ERBB4: variants seen among roughly 807,000 people sequenced by gnomAD.
ERBB4 encodes the protein receptor tyrosine-protein kinase erbB-4.
In ERBB4, 42 loss-of-function variants were observed where a neutral mutation model predicts 158.0. The observed-to-expected ratio is 0.27, with a 90% confidence interval of 0.21 to 0.34. The LOEUF is 0.34. ERBB4 is among the 10% of genes least tolerant of loss of function. The probability of loss-of-function intolerance (pLI) is 1.00; values close to 1 mark genes in which losing one functional copy is unlikely to be tolerated. For missense variants in ERBB4, 1,333 were observed against 1,624.1 expected, an observed-to-expected ratio of 0.82 and a Z score of 3.08; for synonymous variants, 583 against 558.7, an observed-to-expected ratio of 1.04 and a Z score of -0.61.
At position 211,495,915 on chromosome 2, in the gene ERBB4, C is replaced by T. The variant is rs2065457279; in HGVS notation, c.2488-64815G>A. Among the ~76,000 whole-genome samples, 3 of 152,040 alleles carry T rather than the reference C, an allele frequency of 2.0e-5. No individual in the cohort carries two copies. In the South Asian group the frequency reaches 6.2e-4, roughly 32 times the overall value. ...CTTAAAGAGAAACCTATATAACATG[C>T]TAAAAACGTAGGGTTGTCCTCTTCT... On this transcript the variant is annotated intron_variant, in intron 20 of 27. Coordinates refer to ENST00000342788, the MANE Select transcript of ERBB4 (RefSeq NM_005235.3).
At chr2:212,207,993 T>A (rs1197204724) in intron 1 of ERBB4, among the ~76,000 whole-genome samples, 3 of 152,204 alleles carry the variant, frequency 2.0e-5, no homozygotes. Context: ...ATATACTTTT[T>A]AAAATCTGAC....
At chr2:211,410,231 A>ATG (rs1035347604) in intron 25 of ERBB4, among the ~76,000 whole-genome samples, 1 of 152,186 alleles carries the variant, frequency 6.6e-6, no homozygotes, top group Non-Finnish European at 1.5e-5. Flanking sequence ...TTTGTTTTAA[A>ATG]TGTATATATA....
chr2:212,422,052 T>C (rs550160688), intron 1 of ERBB4, among the ~76,000 whole-genome samples: 5 of 152,318 alleles, frequency 3.3e-5, no homozygotes, highest in African/African-American at 1.2e-4. Flanking sequence ...GTTTTAAAGA[T>C]GTCCACAGTG....
chr2:212,374,466 G>A (rs1296179992), intron 1 of ERBB4, among the ~76,000 whole-genome samples: 2 of 151,992 alleles, frequency 1.3e-5, no homozygotes, highest in East Asian at 3.9e-4. Flanking sequence ...GACCAAGTGT[G>A]AACTTGCATA....
At chr2:211,497,943 G>A (rs34672401) in intron 20 of ERBB4, among the ~76,000 whole-genome samples, 59,982 of 151,502 alleles carry the variant, frequency 0.4, 12,471 homozygotes, top group African/African-American at 0.52. Context: ...GTTGTTCAGC[G>A]GCAAGATGAA....
chr2:212,379,618 T>G (rs1472242740), intron 1 of ERBB4, among the ~76,000 whole-genome samples: 7 of 151,556 alleles, frequency 4.6e-5, no homozygotes, highest in Non-Finnish European at 8.9e-5. Flanking sequence ...TCTTTAACTT[T>G]AATAAACTAT....
chr2:212,098,268 G>C (rs1247675119), intron 2 of ERBB4, among the ~76,000 whole-genome samples: 3 of 152,090 alleles, frequency 2.0e-5, no homozygotes, highest in Non-Finnish European at 4.4e-5. Flanking sequence ...AGAAGAAATT[G>C]CAAGCTTCTA....
Position 211,725,062 on chromosome 2 carries a change from A to C in ERBB4, c.741+14T>G. 6.6e-7 allele frequency: 1 copy of C among 1,519,490 alleles called. No individual in the cohort carries two copies. Among genetic ancestry groups the C allele is most frequent in the Non-Finnish European group, 9.1e-7 (1 of 1,093,442 alleles). The allele number at this position is 1,519,490 out of a possible 1,614,324, so 94.1% of individuals were successfully genotyped here. On this transcript the variant is annotated intron_variant, in intron 6 of 27. Transcript: ENST00000342788. ...GGAGAGCAGGATAATAAAAGAGAGA[A>C]ATCACAGACATACAAAGCAGTCTGT...
chr2:211,938,040 T>C (rs839530), intron 3 of ERBB4, among the ~76,000 whole-genome samples: 22,247 of 152,102 alleles, frequency 0.15, 2,135 homozygotes, highest in African/African-American at 0.27. Context: ...ATATAAAATA[T>C]GGTTAAGGCC....
chr2:211,944,176 A>ATAATATATATATATATATAGT (rs1559154416), intron 3 of ERBB4, among the ~76,000 whole-genome samples: 1 of 16,286 alleles, frequency 6.1e-5, no homozygotes. Context: ...ATATATATAT[A>ATAATATATATATATATATAGT]CTATATATAT....
intron 20 of ERBB4, among the ~76,000 whole-genome samples, chr2:211,521,940 A>G (rs2066196530): frequency 6.6e-6 from 1 of 152,156 alleles, no homozygotes; most frequent in Non-Finnish European, 1.5e-5. Flanking sequence ...TCCCAAGTAT[A>G]ATGGCTAATT....
chr2:212,176,493 G>A (rs1377887451), intron 1 of ERBB4, among the ~76,000 whole-genome samples: 1 of 151,966 alleles, frequency 6.6e-6, no homozygotes, highest in Admixed American at 6.6e-5. Flanking sequence ...GACCATGTTA[G>A]CACCCTGCTC....
intron 4 of ERBB4, among the ~76,000 whole-genome samples, chr2:211,764,343 A>T (rs2106248678): frequency 6.6e-6 from 1 of 152,354 alleles, no homozygotes; most frequent in East Asian, 1.9e-4. Context: ...CTAAATAAAT[A>T]TCAGTTCTAT....
intron 20 of ERBB4, among the ~76,000 whole-genome samples, chr2:211,510,808 C>T (rs1470281857): frequency 6.6e-6 from 1 of 151,910 alleles, no homozygotes; most frequent in Non-Finnish European, 1.5e-5. Context: ...ATCAGAGATG[C>T]TAGCAATCTC....
At chr2:211,463,686 A>AT (rs1364835142) in intron 20 of ERBB4, among the ~76,000 whole-genome samples, 1 of 139,344 alleles carries the variant, frequency 7.2e-6, no homozygotes, top group Non-Finnish European at 1.6e-5. Context: ...AAAATTCAGC[A>AT]TTTTAAAACA....
intron 2 of ERBB4, among the ~76,000 whole-genome samples, chr2:212,062,983 T>C (rs1411890228): frequency 1.3e-5 from 2 of 152,138 alleles, no homozygotes; most frequent in African/African-American, 4.8e-5. Flanking sequence ...ATTGTGAAAA[T>C]TGAATAAAAT....
intron 3 of ERBB4, among the ~76,000 whole-genome samples, chr2:211,881,145 T>C (rs950788544): frequency 6.6e-6 from 1 of 151,362 alleles, no homozygotes; most frequent in African/African-American, 2.5e-5. Context: ...AAACATGGCA[T>C]TACCGTTACA....
chr2:211,588,520 C>A (rs2068359505), intron 19 of ERBB4, among the ~76,000 whole-genome samples: 1 of 151,990 alleles, frequency 6.6e-6, no homozygotes, highest in Non-Finnish European at 1.5e-5. Context: ...ATAATTATAA[C>A]TGACATTTAA....
intron 1 of ERBB4, among the ~76,000 whole-genome samples, chr2:212,239,640 T>C (rs2084010041): frequency 6.6e-6 from 1 of 152,186 alleles, no homozygotes; most frequent in Admixed American, 6.5e-5. Flanking sequence ...TTCAAAGTAC[T>C]TCCTTGCTGG....
Sources: gnomAD v4.1 joint callset for allele counts (sites outside exome capture counted in the v4.1 genomes callset) on GRCh38, gnomAD v4.1.1 for gene constraint, MANE v1.5 for transcripts, NCBI Gene and HGNC (gene_info 2026-07-23, HGNC 2026-07-21) for gene names.